IL7: variants seen among roughly 807,000 people sequenced by gnomAD.
IL7 encodes interleukin-7.
A neutral mutation model predicts 21.6 loss-of-function variants in IL7; 3 were observed. The ratio of observed to expected loss-of-function variants is 0.14; its 90% CI spans 0.06 to 0.36. IL7 has a LOEUF of 0.36. Among genes scored for constraint, IL7 ranks in the 10% least tolerant of loss-of-function variants. The probability of loss-of-function intolerance (pLI) is 1.00; values close to 1 mark genes in which losing one functional copy is unlikely to be tolerated. For missense variants in IL7, 175 were observed against 200.2 expected (o/e 0.87, Z 0.76); for synonymous variants, 62 against 68.1 (o/e 0.91, Z 0.44).
chr8:78,786,533 G>A (rs1813515520), intron 2 of IL7, among the ~76,000 whole-genome samples: 1 of 152,084 alleles, frequency 6.6e-6, no homozygotes, highest in Admixed American at 6.5e-5. Context: ...CAATGGGTTT[G>A]TTTACATCAG....
chr8:78,796,760 G>T (rs1046828646), intron 2 of IL7, among the ~76,000 whole-genome samples: 1 of 151,906 alleles, frequency 6.6e-6, no homozygotes, highest in African/African-American at 2.4e-5. Flanking sequence ...AATACCAAAG[G>T]CTGGCGAAGA....
downstream of IL7, among the ~76,000 whole-genome samples, chr8:78,713,291 T>C (rs1235345930): frequency 6.6e-6 from 1 of 152,070 alleles, no homozygotes; most frequent in Non-Finnish European, 1.5e-5. Flanking sequence ...TAAAAATAAA[T>C]GACAGGTATT....
At chr8:78,798,013 A>C in intron 2 of IL7, 59 bp downstream of exon 2, 1 of 1,428,114 alleles carries the variant, frequency 7.0e-7, no homozygotes, top group East Asian at 2.3e-5. Context: ...ACTGCATACC[A>C]AAAAGGTTCA....
chr8:78,733,874 C>T, intron 5 of IL7, 42 bp from the exon 6 acceptor site: 2 of 1,276,514 alleles, frequency 1.6e-6, no homozygotes, highest in Non-Finnish European at 2.1e-6. Flanking sequence ...CACATTTTTA[C>T]AAAAATATAT....
chr8:78,720,945 A>G (rs911067376), intron 5 of IL7: 2 of 152,040 alleles, frequency 1.3e-5, no homozygotes, highest in Middle Eastern at 6.8e-3. Context: ...AAAGAGTGTC[A>G]TCTATTTAAA....
At chr8:78,751,352 A>T (rs1181562713) in intron 2 of IL7, among the ~76,000 whole-genome samples, 1 of 152,210 alleles carries the variant, frequency 6.6e-6, no homozygotes, top group Non-Finnish European at 1.5e-5. Flanking sequence ...GAAATATTCA[A>T]AATGTTAAGA....
chr8:78,736,053 A>T (rs899194845), intron 5 of IL7, among the ~76,000 whole-genome samples: 3 of 151,116 alleles, frequency 2.0e-5, no homozygotes, highest in African/African-American at 7.3e-5. Context: ...TACAATCTAC[A>T]CTAATAAAAG....
At chr8:78,738,195 T>C (rs1442221784) in intron 4 of IL7, among the ~76,000 whole-genome samples, 1 of 152,190 alleles carries the variant, frequency 6.6e-6, no homozygotes, top group Non-Finnish European at 1.5e-5. Context: ...TAATAAGTTT[T>C]AGATATAGAA....
chr8:78,766,170 G>A (rs1377976983), intron 2 of IL7, among the ~76,000 whole-genome samples: 1 of 152,142 alleles, frequency 6.6e-6, no homozygotes, highest in Non-Finnish European at 1.5e-5. Flanking sequence ...CAAGATTTAA[G>A]AGGGAGCAAG....
intron 2 of IL7, among the ~76,000 whole-genome samples, chr8:78,770,654 C>G (rs1398684219): frequency 6.6e-6 from 1 of 151,978 alleles, no homozygotes; most frequent in African/African-American, 2.4e-5. Flanking sequence ...ATTATATATA[C>G]ATATGCATAC....
At chr8:78,737,661 T>G (rs1196185883) in intron 4 of IL7, among the ~76,000 whole-genome samples, 2 of 152,092 alleles carry the variant, frequency 1.3e-5, no homozygotes, top group Admixed American at 6.6e-5. Context: ...AATCTTACCA[T>G]TTTACCTTCT....
intron 2 of IL7, among the ~76,000 whole-genome samples, chr8:78,779,806 A>G (rs11783767): frequency 0.064 from 9,753 of 152,144 alleles, 340 homozygotes; most frequent in Middle Eastern, 0.092. Context: ...AATTTCAGAA[A>G]AAATGGTACC....
chr8:78,711,755 A>G (rs1203958059), intron 3 of IL7, among the ~76,000 whole-genome samples: 1 of 151,842 alleles, frequency 6.6e-6, no homozygotes, highest in East Asian at 1.9e-4. Flanking sequence ...ATAATTTGAC[A>G]TTTGTTTGGA....
chr8:78,743,978 G>A (rs1811886710), intron 2 of IL7, among the ~76,000 whole-genome samples: 1 of 152,174 alleles, frequency 6.6e-6, no homozygotes, highest in Admixed American at 6.5e-5. Flanking sequence ...GCCCAGGGAG[G>A]TATGAACCTG....
chr8:78,698,524 A>G lies in IL7; in HGVS notation n.215-12577T>C, dbSNP rs1810505450. 4 of 1,556,588 alleles carry G rather than the reference A, an allele frequency of 2.6e-6. No homozygotes were observed. The South Asian group carries it at 3.5e-5, about 14-fold the overall frequency. The stretch of plus-strand genomic sequence containing the variant: ...AGCCCCTCATGCAGGGTAAGTCTAC[A>G]CTGGATATAATTATTAGTGGTATAT... On this transcript the variant is annotated intron_variant and non_coding_transcript_variant, in intron 3 of 4. Coordinates refer to the IL7 transcript ENST00000523959.
intron 2 of IL7, among the ~76,000 whole-genome samples, chr8:78,764,298 C>CTT (rs1415969098): frequency 6.6e-6 from 1 of 152,078 alleles, no homozygotes; most frequent in African/African-American, 2.4e-5. Context: ...TCTCCCTTCA[C>CTT]TTCAGCTTTC....
chr8:78,799,929 A>C (rs1337682875), intron 1 of IL7, among the ~76,000 whole-genome samples: 3 of 152,210 alleles, frequency 2.0e-5, no homozygotes, highest in Non-Finnish European at 4.4e-5. Flanking sequence ...ATGTACACTC[A>C]TAGATTTAAG....
At chr8:78,784,672 CAG>C (rs941698704) in intron 2 of IL7, among the ~76,000 whole-genome samples, 1 of 151,814 alleles carries the variant, frequency 6.6e-6, no homozygotes, top group Admixed American at 6.6e-5. Context: ...ATTATCAAGA[CAG>C]AGAGTCTCTG....
At chr8:78,749,351 G>A (rs949897240) in intron 2 of IL7, among the ~76,000 whole-genome samples, 5 of 152,032 alleles carry the variant, frequency 3.3e-5, no homozygotes, top group Middle Eastern at 3.4e-3. Context: ...TGGCATATAA[G>A]AAGCTTAGAA....
Sources: allele counts gnomAD v4.1 joint callset (sites outside exome capture counted in the v4.1 genomes callset), GRCh38; gene constraint gnomAD v4.1.1; transcripts MANE v1.5; gene names NCBI Gene and HGNC (gene_info 2026-07-23, HGNC 2026-07-21).